PLXNA3: variants seen among roughly 807,000 people sequenced by gnomAD.
The protein encoded by PLXNA3 is plexin A3.
In PLXNA3, 52 loss-of-function variants were observed where a neutral mutation model predicts 118.8. That is an observed-to-expected ratio of 0.44 (90% CI 0.35 to 0.55). The LOEUF (loss-of-function observed/expected upper bound fraction) is 0.55, where lower values mean the gene tolerates loss of function less well. Among genes scored for constraint, PLXNA3 ranks in the 20% least tolerant of loss-of-function variants. The pLI, the probability that PLXNA3 is intolerant of heterozygous loss-of-function variation, is 0.01. For synonymous variants in PLXNA3, 925 were observed against 762.4 expected, an observed-to-expected ratio of 1.21 and a Z score of -3.51; for missense variants, 1,660 against 1,730.8, an observed-to-expected ratio of 0.96 and a Z score of 0.73.
At position 154,460,159 on chromosome X, in the gene PLXNA3, C is replaced by T. The variant is rs782709405; in HGVS notation, c.-25C>T. 5.6e-6 allele frequency: 6 copies of T among 1,080,338 alleles called. No homozygotes were observed. The highest frequency in any genetic ancestry group is 7.7e-6 in the Non-Finnish European group (6 of 783,551). 89.0% of individuals were successfully genotyped at this position (1,080,338 alleles called of 1,213,427 possible). Reference sequence around the variant, plus strand: ...TCCCACACACCGTCTCTCCCTAGGCCTGTCCCCAGGCGCGGCTGCCGGCCA... The same window carrying T: ...TCCCACACACCGTCTCTCCCTAGGCTTGTCCCCAGGCGCGGCTGCCGGCCA... On this transcript the variant is annotated splice_region_variant and 5_prime_UTR_variant, in exon 2 of 33. Transcript: ENST00000369682.
In PLXNA3 at chrX:154,467,225, C is replaced by G; in HGVS notation, c.3202-7C>G. The stretch of plus-strand genomic sequence containing the variant: ...ACGTGCCTGGCTGTCCACCTTTGTC[C>G]CCACAGACATGCCAAGTGATCAACG... On this transcript the variant is annotated splice_polypyrimidine_tract_variant and splice_region_variant and intron_variant, in intron 18 of 32. Coordinates refer to ENST00000369682, the MANE Select transcript of PLXNA3 (RefSeq NM_017514.5). 1 of 1,210,533 alleles carries G rather than the reference C, an allele frequency of 8.3e-7. No individual in the cohort carries two copies. Among genetic ancestry groups the G allele is most frequent in the Non-Finnish European group, 1.1e-6 (1 of 895,027 alleles).
intron 2 of PLXNA3, 152 bp from the exon 3 acceptor site, chrX:154,460,947 C>A: frequency 1.6e-6 from 1 of 617,303 alleles, no homozygotes; most frequent in Non-Finnish European, 2.5e-6. Context: ...CCCCTGTGTG[C>A]AGGGAGGCTG....
rs781927758 is a variant in PLXNA3 at position 154,469,912 on chromosome X, G to C, written c.4796-65G>C. 93 of 1,153,781 alleles carry C rather than the reference G, an allele frequency of 8.1e-5. No individual in the cohort carries two copies. The East Asian group carries it at 9.0e-4, about 11-fold the overall frequency. On this transcript the variant is annotated intron_variant, in intron 28 of 32. Coordinates refer to ENST00000369682, the MANE Select transcript of PLXNA3 (RefSeq NM_017514.5). ...CAGATGGGTCCCCACATGCTGCTGA[G>C]CTCCCGGGAGAGTGGGGCAGGGGCC...
At position 154,469,075 on chromosome X, in the gene PLXNA3, C is replaced by A; in HGVS notation, c.4454C>A (p.Pro1485Gln). Reference protein sequence around the residue: ...YKTLTLHCVCPENEGSAQVPV... With the variant: ...YKTLTLHCVCQENEGSAQVPV... ...CCTCAGACCCTTCACTGCGTGTGTC[C>A]GGAGAACGAGGGCAGCGCCCAGGTC... The change falls in exon 26 of 33, where the codon CCG (proline) becomes CAG (glutamine). Residue 1485 changes from proline (P) to glutamine (Q), a missense_variant. By Grantham distance (76) the Pro-to-Gln change is moderately conservative. This residue lies in a region of PLXNA3 where 869 missense variants were observed against 1,078.7 expected (regional missense o/e 0.81). Transcript: ENST00000369682. 3 of 1,211,382 alleles carry A rather than the reference C, an allele frequency of 2.5e-6. No homozygotes were observed. Among genetic ancestry groups the A allele is most frequent in the Non-Finnish European group, 3.4e-6 (3 of 895,508 alleles).
chrX:154,463,784 CCCT>C (rs2069022386), intron 6 of PLXNA3, 94 bp downstream of exon 6: 1 of 968,982 alleles, frequency 1.0e-6, no homozygotes, highest in Non-Finnish European at 1.4e-6. Context: ...CCTCCCCCCG[CCCT>C]CCTCCACTTT....
At position 154,460,122 on chromosome X, in the gene PLXNA3, G is replaced by C; in HGVS notation, c.-27-35G>C. 1.3e-5 allele frequency: 10 copies of C among 793,704 alleles called. No homozygotes were observed. In the East Asian group the frequency reaches 1.6e-4, roughly 13 times the overall value. 65.4% of individuals were successfully genotyped at this position (793,704 alleles called of 1,213,427 possible). A position where few individuals can be genotyped will look rare whatever the true frequency, so the allele number is the denominator to read the frequency against. On this transcript the variant is annotated intron_variant, in intron 1 of 32. Coordinates refer to ENST00000369682, the MANE Select transcript of PLXNA3 (RefSeq NM_017514.5). Reference sequence around the variant, plus strand: ...TGAATGGCCCAGCCCTCTGTGGCTCGAGGCCTCTGACTCCCACACACCGTC... The same window carrying C: ...TGAATGGCCCAGCCCTCTGTGGCTCCAGGCCTCTGACTCCCACACACCGTC...
Position 154,467,855 on chromosome X carries a change from C to T in PLXNA3, c.3674C>T (p.Ala1225Val), listed in dbSNP as rs782001830. 12 of 1,205,157 alleles carry T rather than the reference C, an allele frequency of 1.0e-5. No individual in the cohort carries two copies. The highest frequency in any genetic ancestry group is 5.3e-5 in the South Asian group (3 of 56,792). ...ALTLPAMMGL[A>V]AGGGLLLLAI... ...ACCCTACCGGCCATGATGGGGCTGG[C>T]GGCGGGGGGTGGGCTCCTGCTGCTG... Residue 1225 changes from alanine (A) to valine (V), a missense_variant, in exon 21 of 33, where the codon GCG becomes GTG. Physicochemically the swap from Ala to Val is moderately conservative, Grantham distance 64 (BLOSUM62 0). Transcript: ENST00000369682.
intron 7 of PLXNA3, 31 bp from the exon 8 acceptor site, chrX:154,464,126 C>G (rs370685596): frequency 8.3e-7 from 1 of 1,207,637 alleles, no homozygotes; most frequent in Non-Finnish European, 1.1e-6. Flanking sequence ...GCTGGGAGTC[C>G]GCCCTGCCCT....
In PLXNA3 at chrX:154,470,176, C is replaced by T; in HGVS notation, c.4986+9C>T. ...GGCTGCTGGCCACCAAGGTATGGGC[C>T]TGCCTCTCGCCACCTTGGCCTCCGC... On this transcript the variant is annotated intron_variant, in intron 29 of 32. Coordinates refer to ENST00000369682, the MANE Select transcript of PLXNA3 (RefSeq NM_017514.5). The T allele has an allele frequency of 4.2e-6, 5 of 1,203,285 alleles. No individual in the cohort carries two copies. Among genetic ancestry groups the T allele is most frequent in the Non-Finnish European group, 5.6e-6 (5 of 889,896 alleles).
intron 11 of PLXNA3, 82 bp from the exon 12 acceptor site, chrX:154,465,342 G>C: frequency 9.8e-7 from 1 of 1,024,244 alleles, no homozygotes; most frequent in Non-Finnish European, 1.4e-6. Context: ...TCCTGTACCT[G>C]GAGGAGGGGG....
intron 3 of PLXNA3, 129 bp from the exon 4 acceptor site, chrX:154,461,999 C>A: frequency 1.9e-6 from 1 of 539,235 alleles, no homozygotes; most frequent in Non-Finnish European, 3.0e-6. Flanking sequence ...CACCCTAGGG[C>A]GAGCAGTCAG....
intron 3 of PLXNA3, among the ~76,000 whole-genome samples, 174 bp downstream of exon 3, chrX:154,461,812 C>T (rs782244281): frequency 1.8e-5 from 2 of 112,469 alleles, no homozygotes; most frequent in South Asian, 7.4e-4. Context: ...CCTTGCCTCT[C>T]TCTGGGCTGC....
At chrX:154,459,304 G>T (rs2068896364) in intron 1 of PLXNA3, among the ~76,000 whole-genome samples, 1 of 110,990 alleles carries the variant, frequency 9.0e-6, no homozygotes, top group African/African-American at 3.3e-5. Flanking sequence ...GGGCTGACTG[G>T]GTGTGGCCTG....
chrX:154,468,012 C>T lies in PLXNA3; in HGVS notation c.3820+11C>T, dbSNP rs781854553. On this transcript the variant is annotated intron_variant, in intron 21 of 32. Coordinates refer to ENST00000369682, the MANE Select transcript of PLXNA3 (RefSeq NM_017514.5). The stretch of plus-strand genomic sequence containing the variant: ...TGGAGTGCAAGGAAGGTGCCTGAGG[C>T]GGGGCGGGATGTGGTGTGGAAGCTG... The T allele has an allele frequency of 1.3e-5, 15 of 1,198,844 alleles. No individual in the cohort carries two copies. Among genetic ancestry groups the T allele is most frequent in the Admixed American group, 6.6e-5 (3 of 45,690 alleles).
intron 16 of PLXNA3, 25 bp from the exon 17 acceptor site, chrX:154,466,598 C>A: frequency 8.4e-7 from 1 of 1,196,353 alleles, no homozygotes; most frequent in Non-Finnish European, 1.1e-6. Context: ...GCCACCCGCT[C>A]CAAGCACCCT....
chrX:154,476,864 C>CT lies in PLXNA3; in HGVS notation c.*4182dup, dbSNP rs2069239674. ...TGGTGGAGCCTGGCAGACACCCGGACTTTAGGAGTTGAAACTGATTCAGAG... is the reference window on the plus strand; with the variant it reads ...TGGTGGAGCCTGGCAGACACCCGGACTTTTAGGAGTTGAAACTGATTCAGAG... On this transcript the variant is annotated 3_prime_UTR_variant, in exon 33 of 33. Coordinates refer to ENST00000369682, the MANE Select transcript of PLXNA3 (RefSeq NM_017514.5). 8.9e-6 allele frequency: 1 copy of CT among 111,899 alleles called. No individual in the cohort carries two copies. The highest frequency in any genetic ancestry group is 1.9e-5 in the Non-Finnish European group (1 of 53,161). 9.2% of individuals were successfully genotyped at this position (111,899 alleles called of 1,213,427 possible).
chrX:154,461,045 C>T (rs41301333), intron 2 of PLXNA3, 54 bp from the exon 3 acceptor site: 18,445 of 1,043,154 alleles, frequency 0.018, 160 homozygotes, highest in Non-Finnish European at 0.02. Flanking sequence ...GGCGGTGGCC[C>T]GTGATGTTGG....
chrX:154,462,354 A>T, intron 4 of PLXNA3, 44 bp downstream of exon 4: 6 of 975,676 alleles, frequency 6.1e-6, no homozygotes, highest in Non-Finnish European at 8.0e-6. Context: ...GGACAGTCTC[A>T]GATATGGGAC....
intron 6 of PLXNA3, 85 bp downstream of exon 6, chrX:154,463,775 C>A: frequency 1.0e-6 from 1 of 975,111 alleles, no homozygotes; most frequent in Non-Finnish European, 1.4e-6. Context: ...CCCTTGCGGC[C>A]TCCCCCCGCC....
Sources: gnomAD v4.1 joint callset for allele counts (sites outside exome capture counted in the v4.1 genomes callset) on GRCh38, gnomAD v4.1.1 for gene constraint, gnomAD v4.1.1 regional missense constraint, MANE v1.5 for transcripts, NCBI Gene and HGNC (gene_info 2026-07-23, HGNC 2026-07-21) for gene names.